Variants in MYH16 observed in about 807,000 individuals in gnomAD.
MYH16 encodes putative uncharacterized protein MYH16.
intron 1 of MYH16, among the ~76,000 whole-genome samples, chr7:99,242,982 G>A (rs906115710): frequency 3.9e-5 from 6 of 152,186 alleles, no homozygotes; most frequent in South Asian, 2.1e-4. Context: ...GGGAGGGAAC[G>A]TCATAGTTTT....
intron 21 of MYH16, among the ~76,000 whole-genome samples, chr7:99,277,914 T>TGA (rs748856178): frequency 9.9e-5 from 13 of 131,462 alleles, no homozygotes; most frequent in South Asian, 5.1e-4. Context: ...TGTGTGTGTG[T>TGA]GTGAGAGAGA....
intron 32 of MYH16, among the ~76,000 whole-genome samples, 173 bp from the exon 14 acceptor site, chr7:99,293,845 T>A (rs1305164143): frequency 6.6e-6 from 1 of 152,210 alleles, no homozygotes; most frequent in Non-Finnish European, 1.5e-5. Context: ...GTTGAATGAA[T>A]AAATGAGAGA....
chr7:99,271,370 G>C (rs112541620), intron 19 of MYH16, among the ~76,000 whole-genome samples: 1 of 152,168 alleles, frequency 6.6e-6, no homozygotes, highest in Non-Finnish European at 1.5e-5. Context: ...TTAGCTGGGC[G>C]TGGTGGTGGG....
intron 18 of MYH16, among the ~76,000 whole-genome samples, chr7:99,270,207 C>T (rs1792031348): frequency 6.6e-6 from 1 of 151,650 alleles, no homozygotes; most frequent in Non-Finnish European, 1.5e-5. Context: ...CATGGTGGCT[C>T]ATGCCTATAA....
rs546133434 is a variant in MYH16 at position 99,259,765 on chromosome 7, T to C, written n.1405-399T>C. Among the ~76,000 whole-genome samples the C allele has an allele frequency of 3.2e-3, 470 of 148,236 alleles. 3 individuals are homozygous for C. Among genetic ancestry groups the C allele is most frequent in the African/African-American group, 0.011 (451 of 40,810 alleles). ...ATTATACATATATACATACATATTA[T>C]ATATACATATATACACGTATATTGT... On this transcript the variant is annotated intron_variant and non_coding_transcript_variant, in intron 11 of 41. Coordinates refer to ENST00000439784, the Ensembl canonical transcript of MYH16.
At chr7:99,300,158 C>T (rs1792570369) in intron 37 of MYH16, among the ~76,000 whole-genome samples, 1 of 151,688 alleles carries the variant, frequency 6.6e-6, no homozygotes, top group Non-Finnish European at 1.5e-5. Flanking sequence ...TGGGGTTTCA[C>T]CATACTGGCC....
chr7:99,305,527 A>C (rs1792667003), intron 40 of MYH16: 1 of 152,308 alleles, frequency 6.6e-6, no homozygotes, highest in Non-Finnish European at 1.5e-5. Context: ...TCTGACAATC[A>C]CAGCATGGCC....
At chr7:99,285,282 T>C (rs1584352786) in intron 26 of MYH16, 100 bp from the exon 9 acceptor site, 1 of 437,794 alleles carries the variant, frequency 2.3e-6, no homozygotes, top group Non-Finnish European at 4.6e-6. Flanking sequence ...ACAGTGGCTG[T>C]CATATTCTCA....
At chr7:99,258,774 T>C (rs2150810533) in intron 11 of MYH16, among the ~76,000 whole-genome samples, 1 of 151,846 alleles carries the variant, frequency 6.6e-6, no homozygotes, top group African/African-American at 2.4e-5. Flanking sequence ...TAAATCGGGT[T>C]TGGTTTTAAG....
intron 27 of MYH16, among the ~76,000 whole-genome samples, chr7:99,285,848 G>A (rs546114866): frequency 3.7e-4 from 57 of 152,364 alleles, no homozygotes; most frequent in African/African-American, 1.3e-3. Context: ...AGGGAGGCTT[G>A]AGCGTGGGGA....
chr7:99,268,805 C>A (rs193238459), intron 18 of MYH16, among the ~76,000 whole-genome samples: 3 of 152,196 alleles, frequency 2.0e-5, no homozygotes, highest in Non-Finnish European at 4.4e-5. Flanking sequence ...CTCTACCTTG[C>A]GATGTCTAGC....
chr7:99,276,776 TGAGA>T (rs150051625), intron 20 of MYH16, among the ~76,000 whole-genome samples: 4 of 147,258 alleles, frequency 2.7e-5, no homozygotes, highest in Non-Finnish European at 6.0e-5. Context: ...ATGAAAGGAG[TGAGA>T]GAGAGAGAGG....
chr7:99,249,572 G>GTTTT (rs1195632373), intron 4 of MYH16, among the ~76,000 whole-genome samples: 15 of 116,744 alleles, frequency 1.3e-4, no homozygotes, highest in South Asian at 6.7e-4. Flanking sequence ...GAAAAGTGCT[G>GTTTT]TTTTTTTTTT....
chr7:99,298,615 A>G (rs1176836419), intron 36 of MYH16, among the ~76,000 whole-genome samples: 2 of 152,200 alleles, frequency 1.3e-5, no homozygotes, highest in Admixed American at 1.3e-4. Context: ...CTGTTTGTAT[A>G]TCTTCGGAGA....
chr7:99,309,460 G>T (rs1236828495), downstream of MYH16, among the ~76,000 whole-genome samples: 1 of 152,198 alleles, frequency 6.6e-6, no homozygotes, highest in African/African-American at 2.4e-5. Flanking sequence ...ATGGGGCACA[G>T]AATCTTTTTC....
At chr7:99,260,117 T>C (rs1034063921) in intron 11 of MYH16, 9 of 1,507,372 alleles carry the variant, frequency 6.0e-6, no homozygotes, top group Admixed American at 5.1e-5. Context: ...GGAGAGGCTC[T>C]CTGTGCCTGT....
At chr7:99,269,640 T>C (rs1477666200) in intron 18 of MYH16, among the ~76,000 whole-genome samples, 1 of 152,152 alleles carries the variant, frequency 6.6e-6, no homozygotes, top group African/African-American at 2.4e-5. Context: ...GGTTTTGAGC[T>C]TCATGGAAGT....
chr7:99,277,706 G>A (rs759322121), exon 21 of MYH16: 102 of 456,128 alleles, frequency 2.2e-4, no homozygotes, highest in Middle Eastern at 1.6e-3. Flanking sequence ...CCATCCAGCT[G>A]CAGGCTGTAC....
At chr7:99,241,275 T>C (rs1184630888) in intron 1 of MYH16, among the ~76,000 whole-genome samples, 1 of 152,084 alleles carries the variant, frequency 6.6e-6, no homozygotes, top group Admixed American at 6.6e-5. Context: ...CCCCTGGAAA[T>C]GAATTCAGAA....
Sources: allele counts gnomAD v4.1 joint callset (sites outside exome capture counted in the v4.1 genomes callset), GRCh38; gene constraint gnomAD v4.1.1; transcripts MANE v1.5; gene names NCBI Gene and HGNC (gene_info 2026-07-23, HGNC 2026-07-21).